The following SYT16 variants were observed in gnomAD, a reference collection of about 807,000 sequenced individuals.
The protein encoded by SYT16 is synaptotagmin-16.
In SYT16, 42 loss-of-function variants were observed where a neutral mutation model predicts 61.4. That is an observed-to-expected ratio of 0.68 (90% CI 0.53 to 0.89). SYT16 has a LOEUF of 0.89. Ranked by LOEUF, SYT16 falls within the 40% of genes least tolerant of loss-of-function variation. The pLI, the probability that SYT16 is intolerant of heterozygous loss-of-function variation, is 0.00. For missense variants in SYT16, 804 were observed against 807.3 expected (o/e 1.00, Z 0.05); for synonymous variants, 314 against 302.3 (o/e 1.04, Z -0.40).
At chr14:62,069,510 C>A (rs1015654408) in intron 3 of SYT16, 93 bp from the exon 4 acceptor site, 3 of 1,267,634 alleles carry the variant, frequency 2.4e-6, no homozygotes, top group African/African-American at 1.5e-5. Context: ...AACTCATTGT[C>A]CACGTTCTTC....
intron 3 of SYT16, among the ~76,000 whole-genome samples, chr14:62,048,538 T>C (rs1436291433): frequency 1.3e-5 from 2 of 152,228 alleles, no homozygotes; most frequent in Admixed American, 6.5e-5. Context: ...GTGTTTGCTC[T>C]TGCTTCTCTG....
At chr14:62,098,440 G>A (rs1281965708) in intron 7 of SYT16, among the ~76,000 whole-genome samples, 1 of 152,170 alleles carries the variant, frequency 6.6e-6, no homozygotes, top group Non-Finnish European at 1.5e-5. Flanking sequence ...ATTTTATGAT[G>A]GTTCCATTCA....
chr14:62,013,591 C>A (rs947435013), intron 3 of SYT16, among the ~76,000 whole-genome samples: 1 of 152,116 alleles, frequency 6.6e-6, no homozygotes, highest in Non-Finnish European at 1.5e-5. Context: ...ATTGCCGTGA[C>A]CTCCTGAATG....
chr14:61,908,282 C>T (rs1232581426), intron 1 of SYT16, among the ~76,000 whole-genome samples: 4 of 152,210 alleles, frequency 2.6e-5, no homozygotes, highest in African/African-American at 9.6e-5. Flanking sequence ...AAACATATGC[C>T]ATGGATTCAA....
intron 1 of SYT16, chr14:61,897,182 G>A (rs1285204268): frequency 1.3e-5 from 2 of 152,188 alleles, no homozygotes; most frequent in Non-Finnish European, 2.9e-5. Flanking sequence ...CACTACATTG[G>A]CAGAGATGAG....
At chr14:61,857,817 A>G (rs2046822902) in intron 1 of SYT16, among the ~76,000 whole-genome samples, 1 of 152,326 alleles carries the variant, frequency 6.6e-6, no homozygotes, top group East Asian at 1.9e-4. Flanking sequence ...TGGGAACACA[A>G]GCAATTCATC....
chr14:62,054,180 C>A (rs549615490), intron 3 of SYT16, among the ~76,000 whole-genome samples: 1 of 152,082 alleles, frequency 6.6e-6, no homozygotes, highest in Non-Finnish European at 1.5e-5. Flanking sequence ...TTTAGAAAAC[C>A]TTTTCCATTT....
At chr14:62,071,595 G>A (rs1484697425) in intron 4 of SYT16, among the ~76,000 whole-genome samples, 2 of 152,174 alleles carry the variant, frequency 1.3e-5, no homozygotes, top group Admixed American at 6.5e-5. Flanking sequence ...CCATGGAAAT[G>A]TTAACATGGT....
intron 3 of SYT16, among the ~76,000 whole-genome samples, chr14:62,025,818 C>T (rs1276407466): frequency 6.6e-6 from 1 of 151,780 alleles, no homozygotes; most frequent in Non-Finnish European, 1.5e-5. Flanking sequence ...TATAGGAAGG[C>T]AGTTGACTTT....
chr14:62,062,398 AT>A (rs529943590), intron 3 of SYT16, among the ~76,000 whole-genome samples: 231 of 152,276 alleles, frequency 1.5e-3, no homozygotes, highest in African/African-American at 5.5e-3. Flanking sequence ...TCTTATGAAA[AT>A]GTAAAGCATA....
At chr14:61,836,667 A>C (rs1002247209) in intron 1 of SYT16, among the ~76,000 whole-genome samples, 6 of 152,166 alleles carry the variant, frequency 3.9e-5, no homozygotes, top group African/African-American at 1.4e-4. Flanking sequence ...CAGACATTAC[A>C]ACCTACTCAA....
intron 1 of SYT16, among the ~76,000 whole-genome samples, chr14:61,914,252 G>A (rs917895807): frequency 3.3e-5 from 5 of 152,162 alleles, no homozygotes; most frequent in African/African-American, 1.2e-4. Flanking sequence ...ACTCCAACTG[G>A]AAGGAAAAGC....
chr14:62,095,758 T>TA (rs2057253676), intron 7 of SYT16, among the ~76,000 whole-genome samples: 1 of 152,030 alleles, frequency 6.6e-6, no homozygotes, highest in African/African-American at 2.4e-5. Flanking sequence ...TTTGTTTTTT[T>TA]ATCTTGTTTT....
intron 2 of SYT16, among the ~76,000 whole-genome samples, chr14:61,985,257 TGAG>T (rs969835998): frequency 8.5e-5 from 13 of 152,128 alleles, no homozygotes; most frequent in African/African-American, 3.1e-4. Flanking sequence ...TGTAAACAAA[TGAG>T]GAGAGAATAT....
intron 3 of SYT16, among the ~76,000 whole-genome samples, chr14:62,056,288 G>A (rs531546306): frequency 6.6e-6 from 1 of 152,266 alleles, no homozygotes; most frequent in African/African-American, 2.4e-5. Flanking sequence ...TCTTATGCTG[G>A]TGGAGGAGGG....
chr14:61,928,423 C>G (rs2049623792), intron 1 of SYT16, among the ~76,000 whole-genome samples: 1 of 152,206 alleles, frequency 6.6e-6, no homozygotes, highest in South Asian at 2.1e-4. Flanking sequence ...TTAACATAGT[C>G]TTGACCTTGG....
chr14:61,845,039 C>CTTTTTTTTTTTT (rs35131511), intron 1 of SYT16, among the ~76,000 whole-genome samples: 5 of 97,620 alleles, frequency 5.1e-5, no homozygotes, highest in African/African-American at 2.4e-4. Flanking sequence ...TACTAGAAGA[C>CTTTTTTTTTTTT]TTTTTTTTTT....
chr14:62,071,940 A>G (rs1386541828), intron 4 of SYT16, among the ~76,000 whole-genome samples: 2 of 152,186 alleles, frequency 1.3e-5, no homozygotes, highest in Non-Finnish European at 2.9e-5. Context: ...TGGTGAGGCT[A>G]TTTAGAACCA....
At chr14:61,815,132 C>G (rs2045389138) in intron 1 of SYT16, among the ~76,000 whole-genome samples, 1 of 152,178 alleles carries the variant, frequency 6.6e-6, no homozygotes, top group Non-Finnish European at 1.5e-5. Context: ...TCCCAGAGTT[C>G]CTGATTCAGT....
Sources: gnomAD v4.1 joint callset for allele counts (sites outside exome capture counted in the v4.1 genomes callset) on GRCh38, gnomAD v4.1.1 for gene constraint, MANE v1.5 for transcripts, NCBI Gene and HGNC (gene_info 2026-07-23, HGNC 2026-07-21) for gene names.